Variants in SNAP25 observed in about 807,000 individuals in gnomAD.
SNAP25 encodes synaptosomal-associated protein 25.
Under a neutral mutation model 28.7 loss-of-function variants are expected in SNAP25, and 3 were observed. That is an observed-to-expected ratio of 0.10 (90% CI 0.05 to 0.27). The LOEUF is 0.27. Ranked by LOEUF, SNAP25 falls within the 10% of genes least tolerant of loss-of-function variation. SNAP25 has a pLI of 1.00. For synonymous variants in SNAP25, 61 were observed against 88.1 expected, an observed-to-expected ratio of 0.69 and a Z score of 1.72; for missense variants, 117 against 278.7, an observed-to-expected ratio of 0.42 and a Z score of 4.13.
chr20:10,272,566 G>A (rs2063614286), intron 1 of SNAP25, among the ~76,000 whole-genome samples: 1 of 152,162 alleles, frequency 6.6e-6, no homozygotes, highest in African/African-American at 2.4e-5. Context: ...TCCAGTGTCT[G>A]TTTTCTAGAT....
intron 7 of SNAP25, among the ~76,000 whole-genome samples, chr20:10,305,481 G>A (rs1269630652): frequency 1.3e-5 from 2 of 152,156 alleles, no homozygotes; most frequent in African/African-American, 4.8e-5. Context: ...AGTCAAGGGT[G>A]CAATGAGCTA....
intron 1 of SNAP25, among the ~76,000 whole-genome samples, chr20:10,253,156 C>T (rs551919800): frequency 6.6e-6 from 1 of 152,312 alleles, no homozygotes; most frequent in South Asian, 2.1e-4. Flanking sequence ...ACACTCAGAA[C>T]TGTGTTCTTG....
At chr20:10,283,026 T>G (rs59704221) in intron 3 of SNAP25, among the ~76,000 whole-genome samples, 16,624 of 152,222 alleles carry the variant, frequency 0.11, 1,148 homozygotes, top group East Asian at 0.18. Flanking sequence ...CTAGCCCTAC[T>G]GAATCAGAAT....
intron 1 of SNAP25, among the ~76,000 whole-genome samples, chr20:10,236,299 G>T (rs1427590124): frequency 6.6e-6 from 1 of 152,168 alleles, no homozygotes; most frequent in Non-Finnish European, 1.5e-5. Context: ...AGGAATCATA[G>T]ACCCAGGTAT....
At chr20:10,305,828 A>C (rs1028593624) in intron 7 of SNAP25, among the ~76,000 whole-genome samples, 3 of 152,162 alleles carry the variant, frequency 2.0e-5, no homozygotes, top group African/African-American at 4.8e-5. Context: ...TAGAAAGATA[A>C]ATCATATATA....
intron 4 of SNAP25, among the ~76,000 whole-genome samples, chr20:10,291,139 T>C (rs1161265033): frequency 1.3e-5 from 2 of 152,206 alleles, no homozygotes; most frequent in Admixed American, 1.3e-4. Flanking sequence ...AATAGTGCAA[T>C]CTCAGCTCAC....
intron 1 of SNAP25, among the ~76,000 whole-genome samples, chr20:10,223,002 C>G (rs2062662045): frequency 6.6e-6 from 1 of 152,194 alleles, no homozygotes; most frequent in Non-Finnish European, 1.5e-5. Context: ...GCTGAACACT[C>G]TCTTGCCCTC....
At chr20:10,230,984 C>A (rs1323795943) in intron 1 of SNAP25, among the ~76,000 whole-genome samples, 1 of 152,032 alleles carries the variant, frequency 6.6e-6, no homozygotes, top group African/African-American at 2.4e-5. Context: ...AATCTTGTCT[C>A]CAAAGCTTAA....
chr20:10,226,253 C>A (rs893141741), intron 1 of SNAP25, among the ~76,000 whole-genome samples: 2 of 152,260 alleles, frequency 1.3e-5, no homozygotes, highest in South Asian at 4.1e-4. Context: ...AGAACACTGG[C>A]AAACTATTTC....
chr20:10,247,994 T>G (rs955528561), intron 1 of SNAP25, among the ~76,000 whole-genome samples: 17 of 152,226 alleles, frequency 1.1e-4, no homozygotes, highest in Non-Finnish European at 2.1e-4. Flanking sequence ...ATGATTTCTC[T>G]CTGTTCCACA....
chr20:10,235,213 A>G, intron 1 of SNAP25, among the ~76,000 whole-genome samples: 1 of 152,234 alleles, frequency 6.6e-6, no homozygotes, highest in East Asian at 1.9e-4. Context: ...AGCCTGGGCA[A>G]CAGAGCAAGA....
In SNAP25 at chr20:10,275,457, C is replaced by T. The variant is rs11547868; in HGVS notation, c.-35C>T. 1.3e-6 allele frequency: 2 copies of T among 1,576,120 alleles called. No homozygotes were observed. Among genetic ancestry groups the T allele is most frequent in the Non-Finnish European group, 1.7e-6 (2 of 1,159,638 alleles). On this transcript the variant is annotated 5_prime_UTR_variant, in exon 2 of 8. Coordinates refer to ENST00000254976, the MANE Select transcript of SNAP25 (RefSeq NM_130811.4). ...CAGAGCCAAACCCGTCACTGACCCC[C>T]CAGCCCAGGCGCCCAGCCACTCCCC...
intron 1 of SNAP25, among the ~76,000 whole-genome samples, chr20:10,241,136 C>T (rs980402260): frequency 2.0e-5 from 3 of 151,052 alleles, no homozygotes; most frequent in African/African-American, 7.3e-5. Context: ...GCTGTTCTTG[C>T]GCCGAAGAGA....
At chr20:10,239,424 A>G (rs1477389752) in intron 1 of SNAP25, among the ~76,000 whole-genome samples, 3 of 152,248 alleles carry the variant, frequency 2.0e-5, no homozygotes, top group Admixed American at 6.5e-5. Flanking sequence ...GCATTCATCT[A>G]AGAATTTTGG....
At chr20:10,280,352 A>G (rs534974369) in intron 3 of SNAP25, among the ~76,000 whole-genome samples, 3 of 152,330 alleles carry the variant, frequency 2.0e-5, no homozygotes, top group Admixed American at 1.3e-4. Context: ...ATAGGTAAAA[A>G]GGTTAGAAAT....
At chr20:10,259,108 T>C (rs1248793624) in intron 1 of SNAP25, among the ~76,000 whole-genome samples, 3 of 152,194 alleles carry the variant, frequency 2.0e-5, no homozygotes, top group Admixed American at 6.5e-5. Flanking sequence ...TCTAAGGCTA[T>C]ATATATACAA....
chr20:10,248,158 G>A (rs1258440965), intron 1 of SNAP25, among the ~76,000 whole-genome samples: 6 of 152,188 alleles, frequency 3.9e-5, no homozygotes, highest in Non-Finnish European at 7.3e-5. Context: ...CAGCTGAATT[G>A]CATGGGAATT....
rs362586 is a variant in SNAP25, at chr20:10,288,644, A to G, written c.163+3872A>G. Among the ~76,000 whole-genome samples, 471 of 152,278 alleles carry G rather than the reference A, an allele frequency of 3.1e-3. 2 individuals are homozygous for G. Among genetic ancestry groups the G allele is most frequent in the African/African-American group, 0.011 (448 of 41,538 alleles). On this transcript the variant is annotated intron_variant, in intron 4 of 7. Coordinates refer to ENST00000254976, the MANE Select transcript of SNAP25 (RefSeq NM_130811.4). ...GCTAAGACATTTCAATTATAGCCAT[A>G]CCACAGTAAATGCTGAATTCCTCAG...
At chr20:10,266,287 A>G (rs2063504690) in intron 1 of SNAP25, among the ~76,000 whole-genome samples, 2 of 152,220 alleles carry the variant, frequency 1.3e-5, no homozygotes, top group Non-Finnish European at 2.9e-5. Context: ...CCTTAGAATA[A>G]GTGCTTTGCA....
Sources: gnomAD v4.1 joint callset for allele counts (sites outside exome capture counted in the v4.1 genomes callset) on GRCh38, gnomAD v4.1.1 for gene constraint, MANE v1.5 for transcripts, NCBI Gene and HGNC (gene_info 2026-07-23, HGNC 2026-07-21) for gene names.